The following PHRF1 variants were observed in gnomAD, a reference collection of about 807,000 sequenced individuals.
PHRF1 encodes the protein PHD and ring finger domains 1.
A neutral mutation model predicts 128.9 loss-of-function variants in PHRF1; 53 were observed. The observed-to-expected ratio is 0.41, with a 90% CI of 0.33 to 0.52. The LOEUF is 0.52. Ranked by LOEUF, PHRF1 falls within the 20% of genes least tolerant of loss-of-function variation. The pLI, the probability that PHRF1 is intolerant of heterozygous loss-of-function variation, is 0.21. For synonymous variants in PHRF1, 1,178 were observed against 980.6 expected, an observed-to-expected ratio of 1.20 and a Z score of -3.76; for missense variants, 2,503 against 2,284.5, an observed-to-expected ratio of 1.10 and a Z score of -1.95.
chr11:597,330 G>A lies in PHRF1; in HGVS notation c.719-65G>A. On this transcript the variant is annotated intron_variant, in intron 7 of 17. Coordinates refer to ENST00000264555, the MANE Select transcript of PHRF1 (RefSeq NM_001286581.2). This position sits in a 1 kb window ranked among gnomAD's most constrained non-coding sequence, Gnocchi z 6.5. ...CTGCTACTTGGCCGGCAGCCACAGG[G>A]GGAGCCGTTGGGGGAGGCGTGTGGC... The A allele has an allele frequency of 1.3e-6, 2 of 1,550,356 alleles. No homozygotes were observed. The highest frequency in any genetic ancestry group is 1.7e-6 in the Non-Finnish European group (2 of 1,145,168).
In PHRF1 at chr11:608,890, G is replaced by A. The variant is rs200290962; in HGVS notation, c.3434G>A (p.Arg1145Gln). The A allele has an allele frequency of 4.4e-4, 707 of 1,612,126 alleles. No homozygotes were observed. Among genetic ancestry groups the A allele is most frequent in the Non-Finnish European group, 5.3e-4 (628 of 1,179,778 alleles). The change falls in exon 14 of 18, where the codon CGG (arginine) becomes CAG (glutamine). Residue 1145 changes from arginine to glutamine, a missense_variant. Arg to Gln is a conservative substitution (Grantham distance 43). Coordinates refer to ENST00000264555, the MANE Select transcript of PHRF1 (RefSeq NM_001286581.2). ...HKHQRERSHE[R>Q]PDRKESVAWP... Reference sequence around the variant, plus strand: ...CATCAGCGGGAACGCAGCCACGAGCGGCCAGACAGGAAGGAGAGTGTGGCG... The same window carrying A: ...CATCAGCGGGAACGCAGCCACGAGCAGCCAGACAGGAAGGAGAGTGTGGCG...
At chr11:577,492 C>T (rs184732075) in intron 1 of PHRF1, among the ~76,000 whole-genome samples, 17 of 152,358 alleles carry the variant, frequency 1.1e-4, no homozygotes, top group Admixed American at 2.0e-4. Context: ...GGTTTTCTTT[C>T]TTATTGGAAG....
chr11:579,139 T>C (rs542492709), intron 1 of PHRF1, among the ~76,000 whole-genome samples: 62 of 152,330 alleles, frequency 4.1e-4, no homozygotes, highest in African/African-American at 1.4e-3. Flanking sequence ...TGCACCTGGC[T>C]ACCAATTCAC....
intron 6 of PHRF1, among the ~76,000 whole-genome samples, chr11:595,812 C>G (rs1024009341): frequency 1.3e-5 from 2 of 152,230 alleles, no homozygotes; most frequent in Non-Finnish European, 2.9e-5. Flanking sequence ...TACTGCTCAT[C>G]CTTGCCTTTG....
intron 9 of PHRF1, among the ~76,000 whole-genome samples, chr11:599,649 A>G (rs1855513988): frequency 6.6e-6 from 1 of 152,140 alleles, no homozygotes; most frequent in African/African-American, 2.4e-5. Context: ...GCACAGAAAT[A>G]GTTATGAGAC....
chr11:596,817 C>A, intron 6 of PHRF1, 106 bp from the exon 7 acceptor site: 1 of 914,938 alleles, frequency 1.1e-6, no homozygotes, highest in Non-Finnish European at 1.8e-6. Flanking sequence ...GAATGCATCG[C>A]AGACTTGGGT....
At chr11:601,522 G>C in intron 9 of PHRF1, 52 bp from the exon 10 acceptor site, 1 of 1,610,666 alleles carries the variant, frequency 6.2e-7, no homozygotes. Context: ...ACAGGAATGG[G>C]GCAGGGAGGG....
chr11:579,872 C>T (rs1291326971), intron 1 of PHRF1, among the ~76,000 whole-genome samples: 1 of 152,192 alleles, frequency 6.6e-6, no homozygotes, highest in African/African-American at 2.4e-5. Flanking sequence ...ACTGTCTTGT[C>T]AGATGGGAAG....
At chr11:589,693 G>A (rs1854817709) in intron 4 of PHRF1, among the ~76,000 whole-genome samples, 2 of 152,274 alleles carry the variant, frequency 1.3e-5, no homozygotes, top group South Asian at 4.1e-4. Context: ...TGAAAAGAAA[G>A]CATGGGTAGC....
chr11:605,082 T>C, intron 10 of PHRF1, 37 bp from the exon 11 acceptor site: 1 of 1,575,408 alleles, frequency 6.3e-7, no homozygotes, highest in Non-Finnish European at 8.7e-7. Context: ...GCCATCCCCG[T>C]CTCTCTGTTC....
At chr11:601,495 T>A in intron 9 of PHRF1, 79 bp from the exon 10 acceptor site, 3 of 1,580,838 alleles carry the variant, frequency 1.9e-6, no homozygotes, top group Non-Finnish European at 2.6e-6. Flanking sequence ...TTGGGCTCCG[T>A]CCACTGGGCT....
intron 10 of PHRF1, among the ~76,000 whole-genome samples, chr11:604,877 C>T (rs1464815791): frequency 2.6e-5 from 4 of 152,168 alleles, no homozygotes; most frequent in Non-Finnish European, 5.9e-5. Flanking sequence ...GCTACTACGA[C>T]GTGATGGTGA....
chr11:594,527 T>A (rs940846054), intron 6 of PHRF1, among the ~76,000 whole-genome samples: 2 of 151,940 alleles, frequency 1.3e-5, no homozygotes, highest in Non-Finnish European at 2.9e-5. Flanking sequence ...CTGCAACCTC[T>A]GCAGCGAGTC....
At chr11:584,940 G>A (rs1358152743) in intron 3 of PHRF1, among the ~76,000 whole-genome samples, 3 of 152,084 alleles carry the variant, frequency 2.0e-5, no homozygotes, top group African/African-American at 2.4e-5. Context: ...GTTTCACCAT[G>A]TTGGCCAGGC....
chr11:586,110 C>T (rs182129445), intron 3 of PHRF1, among the ~76,000 whole-genome samples: 1 of 152,192 alleles, frequency 6.6e-6, no homozygotes, highest in Admixed American at 6.5e-5. Context: ...ATCCACCTGC[C>T]TCAGCCTCCC....
intron 5 of PHRF1, 78 bp from the exon 6 acceptor site, chr11:592,481 A>AT: frequency 7.0e-7 from 1 of 1,418,538 alleles, no homozygotes; most frequent in Non-Finnish European, 1.0e-6. Context: ...TGGATTCTGG[A>AT]TTAACTGCGT....
chr11:595,353 A>C (rs1284267489), intron 6 of PHRF1, among the ~76,000 whole-genome samples: 4 of 152,168 alleles, frequency 2.6e-5, no homozygotes, highest in African/African-American at 9.7e-5. Flanking sequence ...CATTACATGA[A>C]ATAAGATACA....
rs35825045 is a variant in PHRF1 at position 600,493 on chromosome 11, A to AATATAT, written c.1025-1060_1025-1055dup. The stretch of plus-strand genomic sequence containing the variant: ...GACAGAGTGAGACTCTGTCTCCAAA[A>AATATAT]ATATATATATATATATATATATATA... On this transcript the variant is annotated intron_variant, in intron 9 of 17. Transcript: ENST00000264555. Among the ~76,000 whole-genome samples, 217 of 129,324 alleles carry AATATAT rather than the reference A, an allele frequency of 1.7e-3. 1 individual carries two copies. The highest frequency in any genetic ancestry group is 4.1e-3 in the African/African-American group (131 of 31,920). The allele number at this position is 129,324 out of a possible 152,430, so 84.8% of individuals were successfully genotyped here. A position where few individuals can be genotyped will look rare whatever the true frequency, so the allele number is the denominator to read the frequency against.
At chr11:605,009 C>T (rs917449032) in intron 10 of PHRF1, 110 bp from the exon 11 acceptor site, 41 of 1,127,310 alleles carry the variant, frequency 3.6e-5, no homozygotes, top group South Asian at 1.7e-4. Flanking sequence ...TAGTATTTTC[C>T]GGCTCTAGTG....
Sources: gnomAD v4.1 joint callset for allele counts (sites outside exome capture counted in the v4.1 genomes callset) on GRCh38, gnomAD v4.1.1 for gene constraint, Gnocchi (gnomAD v3.1) non-coding constraint, MANE v1.5 for transcripts, NCBI Gene and HGNC (gene_info 2026-07-23, HGNC 2026-07-21) for gene names.